The following SYT16 variants were observed in gnomAD, a reference collection of about 807,000 sequenced individuals.
SYT16 encodes synaptotagmin 16.
In SYT16, 42 loss-of-function variants were observed where a neutral mutation model predicts 61.4. That is an observed-to-expected ratio of 0.68 (90% CI 0.53 to 0.89). SYT16 has a LOEUF of 0.89. Among genes scored for constraint, SYT16 ranks in the 40% least tolerant of loss-of-function variants. The probability of loss-of-function intolerance (pLI) is 0.00; values close to 1 mark genes in which losing one functional copy is unlikely to be tolerated. For synonymous variants in SYT16, 314 were observed against 302.3 expected (o/e 1.04, Z -0.40); for missense variants, 804 against 807.3 (o/e 1.00, Z 0.05).
chr14:62,014,107 T>C (rs924726474), intron 3 of SYT16, among the ~76,000 whole-genome samples: 2 of 152,190 alleles, frequency 1.3e-5, no homozygotes, highest in Admixed American at 6.5e-5. Context: ...CCTTAAATAT[T>C]TGGTTCCCTC....
chr14:61,819,385 C>CA (rs1290855308), intron 1 of SYT16, among the ~76,000 whole-genome samples: 6 of 151,868 alleles, frequency 4.0e-5, no homozygotes, highest in African/African-American at 1.2e-4. Flanking sequence ...GTGCATATTA[C>CA]AAAAAAAATT....
At chr14:62,086,538 C>G (rs1334547369) in intron 7 of SYT16, among the ~76,000 whole-genome samples, 1 of 152,124 alleles carries the variant, frequency 6.6e-6, no homozygotes, top group Non-Finnish European at 1.5e-5. Context: ...TGAAACTGTT[C>G]AGAATCTCAG....
chr14:62,050,564 G>C (rs1324426828), intron 3 of SYT16, among the ~76,000 whole-genome samples: 1 of 152,154 alleles, frequency 6.6e-6, no homozygotes, highest in African/African-American at 2.4e-5. Flanking sequence ...TTTAGAGTTT[G>C]CAGTTTTTCT....
intron 1 of SYT16, among the ~76,000 whole-genome samples, chr14:61,899,376 A>G (rs1443987085): frequency 6.6e-6 from 1 of 152,166 alleles, no homozygotes; most frequent in Non-Finnish European, 1.5e-5. Context: ...CTTTGACAAT[A>G]AAACCTTTTT....
In SYT16 at chr14:62,091,364, A is replaced by T. The variant is rs11847900; in HGVS notation, c.1624+6979A>T. Among the ~76,000 whole-genome samples, 577 of 152,366 alleles carry T rather than the reference A, an allele frequency of 3.8e-3. 5 individuals carry two copies. The highest frequency in any genetic ancestry group is 0.013 in the African/African-American group (546 of 41,592). On this transcript the variant is annotated intron_variant, in intron 7 of 7. Transcript: ENST00000683842. ...ATTCAGAAAGAAAGCAATTGAAATT[A>T]GAAGGAAGTAATGGGAAGCAAGAAG... is the stretch of plus-strand genomic sequence containing the variant.
intron 2 of SYT16, among the ~76,000 whole-genome samples, chr14:61,989,431 C>A (rs996276254): frequency 1.3e-5 from 2 of 152,072 alleles, no homozygotes; most frequent in Admixed American, 6.5e-5. Flanking sequence ...GGCCTGATGG[C>A]AGAAGCCTGT....
intron 1 of SYT16, among the ~76,000 whole-genome samples, chr14:61,900,481 A>G (rs966599863): frequency 7.2e-5 from 11 of 152,142 alleles, no homozygotes; most frequent in African/African-American, 2.4e-4. Context: ...TGGTACTTCT[A>G]TTCTGAAAAC....
intron 3 of SYT16, among the ~76,000 whole-genome samples, chr14:62,034,195 A>T (rs1283140258): frequency 6.6e-6 from 1 of 152,206 alleles, no homozygotes; most frequent in African/African-American, 2.4e-5. Context: ...AAAAAGACAG[A>T]TAATAACAAG....
rs4899064 is a variant in SYT16, at chr14:62,034,915, G to T, written c.524-34688G>T. Among the ~76,000 whole-genome samples, 30 of 151,958 alleles carry T rather than the reference G, an allele frequency of 2.0e-4. 1 individual carries two copies. The highest frequency in any genetic ancestry group is 2.0e-4 in the Admixed American group (3 of 15,244). ...CTTCCTCACAAACAAAACAAAAACT[G>T]TTCCAGTTGATCTTCCAGAAAATGA... On this transcript the variant is annotated intron_variant, in intron 3 of 7. Coordinates refer to ENST00000683842, the MANE Select transcript of SYT16 (RefSeq NM_001367656.1).
chr14:62,027,879 G>T (rs1442219762), intron 3 of SYT16, among the ~76,000 whole-genome samples: 3 of 152,166 alleles, frequency 2.0e-5, no homozygotes, highest in Non-Finnish European at 4.4e-5. Context: ...TATATTTTGT[G>T]CAGGCGGTGT....
chr14:61,911,055 G>T lies in SYT16; in HGVS notation c.-324-59077G>T, dbSNP rs566742790. Among the ~76,000 whole-genome samples, 8 of 152,268 alleles carry T rather than the reference G, an allele frequency of 5.3e-5. No homozygotes were observed. The East Asian group carries it at 1.5e-3, about 29-fold the overall frequency. ...GGATCTTGCTATTGAACAATTTCTT[G>T]CCTATTGACTGACTTGCAGGTAGCA... On this transcript the variant is annotated intron_variant, in intron 1 of 7. Coordinates refer to ENST00000683842, the MANE Select transcript of SYT16 (RefSeq NM_001367656.1).
intron 1 of SYT16, among the ~76,000 whole-genome samples, chr14:61,944,160 G>A (rs1486836631): frequency 6.6e-6 from 1 of 152,086 alleles, no homozygotes; most frequent in African/African-American, 2.4e-5. Flanking sequence ...AAAATACCTA[G>A]GAATCCAACT....
At chr14:61,929,514 G>C (rs102887) in intron 1 of SYT16, among the ~76,000 whole-genome samples, 108,106 of 152,108 alleles carry the variant, frequency 0.71, 39,841 homozygotes, top group East Asian at 0.94. Context: ...AAATGTTTCA[G>C]GGAAGAATAC....
At chr14:61,975,154 TAA>T (rs2051732348) in intron 2 of SYT16, among the ~76,000 whole-genome samples, 1 of 152,198 alleles carries the variant, frequency 6.6e-6, no homozygotes, top group African/African-American at 2.4e-5. Flanking sequence ...GAATATTAGA[TAA>T]AGACAAAAAA....
Position 62,100,575 on chromosome 14 carries a change from G to T in SYT16, c.1806G>T (p.Lys602Asn). The change falls in exon 8 of 8, where the codon AAG becomes AAT. Residue 602 changes from lysine (K) to asparagine (N), a missense_variant. Physicochemically the swap from Lys to Asn is moderately conservative, Grantham distance 94 (BLOSUM62 0). Transcript: ENST00000683842. ...CCGTTTATAACAGGCGTACTATGAA[G>T]CGTAAAGAGATGATTGGCTGGATTG... ...MISVYNRRTM[K>N]RKEMIGWIAL... 6.2e-7 allele frequency: 1 copy of T among 1,613,834 alleles called. No individual in the cohort carries two copies. Among genetic ancestry groups the T allele is most frequent in the Non-Finnish European group, 8.5e-7 (1 of 1,179,830 alleles).
intron 3 of SYT16, among the ~76,000 whole-genome samples, chr14:62,025,511 A>G (rs917559900): frequency 6.6e-6 from 1 of 152,168 alleles, no homozygotes; most frequent in Non-Finnish European, 1.5e-5. Flanking sequence ...TTTATCAGAT[A>G]TATCTTTCAC....
intron 1 of SYT16, among the ~76,000 whole-genome samples, chr14:61,845,065 T>TTTG (rs2046405570): frequency 7.2e-6 from 1 of 138,282 alleles, no homozygotes; most frequent in African/African-American, 2.7e-5. Context: ...TTTTTTTTTT[T>TTTG]GAGATAGAGT....
intron 7 of SYT16, among the ~76,000 whole-genome samples, chr14:62,086,663 C>T (rs1595382815): frequency 6.6e-6 from 1 of 152,120 alleles, no homozygotes; most frequent in Non-Finnish European, 1.5e-5. Flanking sequence ...TGATAAATAT[C>T]TACATAAATA....
chr14:61,816,398 C>T (rs746667069), intron 1 of SYT16, among the ~76,000 whole-genome samples: 1 of 152,154 alleles, frequency 6.6e-6, no homozygotes, highest in South Asian at 2.1e-4. Flanking sequence ...GATGCCTAGA[C>T]TTTAAAAGAA....
Sources: allele counts gnomAD v4.1 joint callset (sites outside exome capture counted in the v4.1 genomes callset), GRCh38; gene constraint gnomAD v4.1.1; transcripts MANE v1.5; gene names NCBI Gene and HGNC (gene_info 2026-07-23, HGNC 2026-07-21).